Variants in XKR6 observed in about 807,000 individuals in gnomAD.
XKR6 encodes the protein XK related 6, also known as XK-related protein 6.
Under a neutral mutation model 56.7 loss-of-function variants are expected in XKR6, and 22 were observed. The observed-to-expected ratio is 0.39, with a 90% confidence interval of 0.28 to 0.55. The LOEUF is 0.55. Among genes scored for constraint, XKR6 ranks in the 20% least tolerant of loss-of-function variants. XKR6 has a pLI of 0.66. For missense variants in XKR6, 852 were observed against 889.0 expected (o/e 0.96, Z 0.53); for synonymous variants, 524 against 387.8 (o/e 1.35, Z -4.13).
At chr8:10,928,562 AG>A (rs200553010) in intron 1 of XKR6, among the ~76,000 whole-genome samples, 5,319 of 152,138 alleles carry the variant, frequency 0.035, 131 homozygotes, top group Non-Finnish European at 0.052. Context: ...CGCCTCCTGC[AG>A]AGTCTCCCAT....
intron 1 of XKR6, among the ~76,000 whole-genome samples, chr8:11,059,571 C>T (rs1355759805): frequency 6.6e-6 from 1 of 151,900 alleles, no homozygotes; most frequent in Non-Finnish European, 1.5e-5. Context: ...CTCGGCTCCT[C>T]TTCCAGGCGC....
At position 10,939,642 on chromosome 8, in the gene XKR6, G is replaced by C. The variant is rs552465750; in HGVS notation, c.765-14812C>G. Among the ~76,000 whole-genome samples, 3 of 152,346 alleles carry C rather than the reference G, an allele frequency of 2.0e-5. No individual in the cohort carries two copies. In the East Asian group the frequency reaches 5.8e-4, roughly 29 times the overall value. On this transcript the variant is annotated intron_variant, in intron 1 of 2. Transcript: ENST00000416569. Reference sequence around the variant, plus strand: ...CTGGGAGTGGTGGTCACGCAGAAGGGGCCTAAGACTCCAGGCTGGTTCGTA... The same window carrying C: ...CTGGGAGTGGTGGTCACGCAGAAGGCGCCTAAGACTCCAGGCTGGTTCGTA...
At chr8:11,156,943 G>A (rs1586628041) in intron 1 of XKR6, among the ~76,000 whole-genome samples, 1 of 152,080 alleles carries the variant, frequency 6.6e-6, no homozygotes, top group African/African-American at 2.4e-5. Context: ...CTTTACAGTA[G>A]GAAACCTGGC....
intron 1 of XKR6, among the ~76,000 whole-genome samples, chr8:10,969,571 C>T (rs540947578): frequency 7.9e-5 from 12 of 152,304 alleles, no homozygotes; most frequent in South Asian, 2.1e-4. Context: ...CAAGAGAATG[C>T]GGAGTAAGCC....
rs189348613 is a variant in XKR6 at position 10,963,599 on chromosome 8, C to T, written c.765-38769G>A. Among the ~76,000 whole-genome samples the T allele has an allele frequency of 2.3e-3, 346 of 151,842 alleles. 2 individuals carry two copies. Among genetic ancestry groups the T allele is most frequent in the Middle Eastern group, 6.8e-3 (2 of 294 alleles). On this transcript the variant is annotated intron_variant, in intron 1 of 2. Transcript: ENST00000416569. ...CTCTGTCACCCAGGCTGGAGTGCCA[C>T]GGTATGGTCATGGAGCACTGCATCC...
chr8:11,059,010 A>C (rs939461581), intron 1 of XKR6, among the ~76,000 whole-genome samples: 40 of 152,236 alleles, frequency 2.6e-4, no homozygotes, highest in African/African-American at 9.4e-4. Flanking sequence ...ACTGAAGCTC[A>C]GAAAGTTGAA....
chr8:11,037,187 A>T (rs1179528087), intron 1 of XKR6, among the ~76,000 whole-genome samples: 2 of 152,176 alleles, frequency 1.3e-5, no homozygotes, highest in Non-Finnish European at 2.9e-5. Context: ...ACCATCCACA[A>T]CCACCACTTA....
chr8:11,004,776 G>C (rs916437980), intron 1 of XKR6, among the ~76,000 whole-genome samples: 2 of 152,170 alleles, frequency 1.3e-5, no homozygotes, highest in African/African-American at 2.4e-5. Flanking sequence ...TAGCCAAAAG[G>C]TGGAGACAAC....
chr8:11,173,251 G>A (rs906968729), intron 1 of XKR6, among the ~76,000 whole-genome samples: 1 of 151,580 alleles, frequency 6.6e-6, no homozygotes, highest in Non-Finnish European at 1.5e-5. Context: ...GGCTGAGGCA[G>A]GAGAATGGCG....
intron 1 of XKR6, among the ~76,000 whole-genome samples, chr8:11,043,529 C>T (rs1255145827): frequency 6.6e-6 from 1 of 152,234 alleles, no homozygotes; most frequent in South Asian, 2.1e-4. Context: ...TCAGTCTCTG[C>T]CCCAGCAGCT....
chr8:11,195,784 G>A (rs1342737322), intron 1 of XKR6, among the ~76,000 whole-genome samples: 3 of 151,604 alleles, frequency 2.0e-5, no homozygotes, highest in Non-Finnish European at 4.4e-5. Context: ...GAGTAGCTGG[G>A]ACTACAGGCG....
chr8:11,093,217 G>A (rs760781272), intron 1 of XKR6, among the ~76,000 whole-genome samples: 7 of 151,960 alleles, frequency 4.6e-5, no homozygotes, highest in Admixed American at 1.3e-4. Context: ...CACCATGCCC[G>A]GCTAATTTTG....
rs549870876 is a variant in XKR6 at position 11,047,828 on chromosome 8, C to T, written c.765-122998G>A. 8.5e-5 allele frequency among the ~76,000 whole-genome samples: 13 copies of T among 152,270 alleles called. No individual in the cohort carries two copies. In the South Asian group the frequency reaches 1.5e-3, roughly 17 times the overall value. On this transcript the variant is annotated intron_variant, in intron 1 of 2. Coordinates refer to ENST00000416569, the MANE Select transcript of XKR6 (RefSeq NM_173683.4). ...ATTGGCCTTAACAACAGTGAACATG[C>T]GATTACTGAATCTCACTACATGATC...
At chr8:11,079,555 A>C (rs974442867) in intron 1 of XKR6, among the ~76,000 whole-genome samples, 2 of 152,218 alleles carry the variant, frequency 1.3e-5, no homozygotes, top group Non-Finnish European at 2.9e-5. Flanking sequence ...CGCCTCTGGA[A>C]GGGGAAAAAG....
rs994968816 is a variant in XKR6, at chr8:11,084,932, A to T, written c.764+115644T>A. Among the ~76,000 whole-genome samples, 46 of 152,160 alleles carry T rather than the reference A, an allele frequency of 3.0e-4. 1 individual carries two copies. Among genetic ancestry groups the T allele is most frequent in the Non-Finnish European group, 5.9e-5 (4 of 68,032 alleles). ...CAGTGCCTTACTCCTACAAAAAGAA[A>T]TCTGCTGAAGAACAGCATCCAAGGT... On this transcript the variant is annotated intron_variant, in intron 1 of 2. Transcript: ENST00000416569.
chr8:11,152,214 A>G (rs1337220639), intron 1 of XKR6, among the ~76,000 whole-genome samples: 1 of 152,188 alleles, frequency 6.6e-6, no homozygotes, highest in Non-Finnish European at 1.5e-5. Context: ...CAGCTGTGAG[A>G]TACAGGCTGT....
chr8:11,178,299 A>C (rs1264813259), intron 1 of XKR6, among the ~76,000 whole-genome samples: 3 of 152,102 alleles, frequency 2.0e-5, no homozygotes, highest in African/African-American at 7.2e-5. Context: ...GATCAATAAT[A>C]GTAAGAAACT....
intron 1 of XKR6, among the ~76,000 whole-genome samples, chr8:10,963,471 C>T (rs574080891): frequency 9.2e-5 from 14 of 152,252 alleles, no homozygotes; most frequent in Admixed American, 3.3e-4. Flanking sequence ...GATGACCAGA[C>T]AATCCGGGCA....
At position 11,201,495 on chromosome 8, in the gene XKR6, A is replaced by AC. The variant is rs778231503; in HGVS notation, c.-157dup. 258 of 543,486 alleles carry AC rather than the reference A, an allele frequency of 4.7e-4. No individual in the cohort carries two copies. The highest frequency in any genetic ancestry group is 5.6e-4 in the Non-Finnish European group (173 of 311,596). 33.7% of individuals were successfully genotyped at this position (543,486 alleles called of 1,614,324 possible). On this transcript the variant is annotated 5_prime_UTR_variant, in exon 1 of 3. Coordinates refer to ENST00000416569, the MANE Select transcript of XKR6 (RefSeq NM_173683.4). ...GAACGAGGGGGGAGTGGGCCAGGGA[A>AC]CCCCCTCCGCTTCCGGGTAGTTGGC...
Sources: gnomAD v4.1 joint callset for allele counts (sites outside exome capture counted in the v4.1 genomes callset) on GRCh38, gnomAD v4.1.1 for gene constraint, MANE v1.5 for transcripts, NCBI Gene and HGNC (gene_info 2026-07-23, HGNC 2026-07-21) for gene names.